Variants in PODXL2 observed in about 807,000 individuals in gnomAD.
The protein encoded by PODXL2 is podocalyxin-like protein 2.
A neutral mutation model predicts 53.4 loss-of-function variants in PODXL2; 17 were observed. That is an observed-to-expected ratio of 0.32 (90% CI 0.22 to 0.48). The LOEUF (loss-of-function observed/expected upper bound fraction) is 0.48. Among genes scored for constraint, PODXL2 ranks in the 20% least tolerant of loss-of-function variants. The pLI is 0.99. For synonymous variants in PODXL2, 311 were observed against 306.7 expected (o/e 1.01, Z -0.15); for missense variants, 673 against 760.0 (o/e 0.89, Z 1.35).
At chr3:127,639,158 T>G (rs573961101) in intron 1 of PODXL2, 87 bp from the exon 2 acceptor site, 1 of 1,358,144 alleles carries the variant, frequency 7.4e-7, no homozygotes, top group East Asian at 2.4e-5. Flanking sequence ...CCCCAGGACC[T>G]TTGTCATTTG....
intron 2 of PODXL2, among the ~76,000 whole-genome samples, chr3:127,650,104 G>A (rs1463860692): frequency 6.6e-6 from 1 of 152,098 alleles, no homozygotes; most frequent in East Asian, 1.9e-4. Flanking sequence ...TAACCTAAAG[G>A]GACATTTAAA....
chr3:127,629,327 G>T lies in PODXL2; in HGVS notation c.70+38G>T. On this transcript the variant is annotated intron_variant, in intron 1 of 7. Transcript: ENST00000342480. This position sits in a 1 kb window ranked among gnomAD's most constrained non-coding sequence, Gnocchi z 6.4. ...CGGGCCCGAGCGCGGGAGGGCGGGC[G>T]GCGGCGTGGGCGCGGTGCTGGACAG... 9.9e-7 allele frequency: 1 copy of T among 1,012,418 alleles called. No individual in the cohort carries two copies. 62.7% of individuals were successfully genotyped at this position (1,012,418 alleles called of 1,614,324 possible).
Position 127,661,082 on chromosome 3 carries a change from C to G in PODXL2, c.1054C>G (p.Gln352Glu). 6.2e-7 allele frequency: 1 copy of G among 1,614,212 alleles called. No homozygotes were observed. The highest frequency in any genetic ancestry group is 8.5e-7 in the Non-Finnish European group (1 of 1,180,028). Residue 352 changes from glutamine to glutamate, a missense_variant, in exon 3 of 8, where the codon CAA becomes GAA. By Grantham distance (29) the Gln-to-Glu change is conservative (BLOSUM62 2). Around this residue, in one of 3 missense-constraint regions of PODXL2, gnomAD observed 588 missense variants for 668.3 expected, o/e 0.88. Coordinates refer to ENST00000342480, the MANE Select transcript of PODXL2 (RefSeq NM_015720.4). ...ELTPSSATLG[Q>E]EDLNQQLLEG... ...GACACCTTCCTCTGCTACCTTGGGA[C>G]AAGAAGATCTCAACCAGCAGCTCCT...
At position 127,661,045 on chromosome 3, in the gene PODXL2, A is replaced by G. The variant is rs1157999613; in HGVS notation, c.1017A>G (p.Gly339=). 6.2e-7 allele frequency: 1 copy of G among 1,614,202 alleles called. No homozygotes were observed. Reference sequence around the variant, plus strand: ...CAGCCTCTTCCCCACTGGCCCCTGGAGACATGGAACTGACACCTTCCTCTG... The same window carrying G: ...CAGCCTCTTCCCCACTGGCCCCTGGGGACATGGAACTGACACCTTCCTCTG... ...RTSASSPLAP[G]DMELTPSSAT... The change falls in exon 3 of 8, where the codon GGA becomes GGG. Residue 339 remains glycine (G), a synonymous_variant. Transcript: ENST00000342480.
intron 2 of PODXL2, among the ~76,000 whole-genome samples, chr3:127,658,406 CTTTTTTTTTTTT>C (rs60979669): frequency 1.1e-5 from 1 of 87,396 alleles, no homozygotes; most frequent in East Asian, 3.9e-4. Context: ...TTTCCCATGT[CTTTTTTTTTTTT>C]TTTTTTTTTG....
At chr3:127,658,731 C>T (rs1442225157) in intron 2 of PODXL2, among the ~76,000 whole-genome samples, 1 of 152,114 alleles carries the variant, frequency 6.6e-6, no homozygotes, top group Non-Finnish European at 1.5e-5. Flanking sequence ...CCTTATAATT[C>T]TAAAATCACA....
At chr3:127,671,340 TCCC>T in intron 6 of PODXL2, 91 bp from the exon 7 acceptor site, 1 of 1,129,816 alleles carries the variant, frequency 8.9e-7, no homozygotes, top group Non-Finnish European at 1.3e-6. Context: ...CTAAGCCTGC[TCCC>T]CCATCCCCAC....
chr3:127,671,030 G>A (rs963027873), intron 6 of PODXL2, among the ~76,000 whole-genome samples: 12 of 152,206 alleles, frequency 7.9e-5, no homozygotes, highest in African/African-American at 2.9e-4. Flanking sequence ...GCGGTTGTAT[G>A]GTGGAGGATG....
intron 1 of PODXL2, among the ~76,000 whole-genome samples, chr3:127,630,074 G>T (rs748673443): frequency 1.3e-5 from 2 of 152,180 alleles, no homozygotes; most frequent in African/African-American, 4.8e-5. Context: ...AGAAAGAGAC[G>T]GGCCTCCTGA....
intron 7 of PODXL2, 93 bp downstream of exon 7, chr3:127,671,706 C>A: frequency 7.9e-7 from 1 of 1,259,336 alleles, no homozygotes; most frequent in Non-Finnish European, 1.1e-6. Flanking sequence ...AGTGACTCTC[C>A]TGGGCGCACA....
intron 2 of PODXL2, among the ~76,000 whole-genome samples, chr3:127,644,034 C>T (rs906785957): frequency 2.0e-5 from 3 of 152,098 alleles, no homozygotes; most frequent in Non-Finnish European, 4.4e-5. Context: ...ATTTCATTTT[C>T]TCCATATAGA....
chr3:127,643,502 A>G (rs13073911), intron 2 of PODXL2, among the ~76,000 whole-genome samples: 47,237 of 151,434 alleles, frequency 0.31, 8,250 homozygotes, highest in Middle Eastern at 0.48. Context: ...GAGCCACCAC[A>G]CCCAGCAAAA....
At chr3:127,669,111 A>G (rs780688961) in intron 5 of PODXL2, 30 bp from the exon 6 acceptor site, 2 of 1,538,352 alleles carry the variant, frequency 1.3e-6, no homozygotes, top group Non-Finnish European at 1.8e-6. Flanking sequence ...AGCCATGGTC[A>G]CACTGATAGT....
Position 127,629,478 on chromosome 3 carries a change from G to T in PODXL2, c.70+189G>T, listed in dbSNP as rs1217263686. Among the ~76,000 whole-genome samples the T allele has an allele frequency of 6.6e-6, 1 of 150,678 alleles. No homozygotes were observed. Among genetic ancestry groups the T allele is most frequent in the Non-Finnish European group, 1.5e-5 (1 of 67,528 alleles). ...TGGGTGCGTGGGGGCCGCGGCGGGC[G>T]CCTGGCGTGCCGGGCGACCCCCGAC... On this transcript the variant is annotated intron_variant, in intron 1 of 7. Coordinates refer to ENST00000342480, the MANE Select transcript of PODXL2 (RefSeq NM_015720.4). The surrounding 1 kb of genome is among the most constrained non-coding windows in gnomAD (Gnocchi z 6.4).
At chr3:127,655,973 G>A (rs1036165291) in intron 2 of PODXL2, among the ~76,000 whole-genome samples, 2 of 152,262 alleles carry the variant, frequency 1.3e-5, no homozygotes, top group East Asian at 1.9e-4. Context: ...TGCAGTGACG[G>A]GAGGGCCTCT....
At chr3:127,635,527 A>G (rs1449823723) in intron 1 of PODXL2, among the ~76,000 whole-genome samples, 1 of 152,206 alleles carries the variant, frequency 6.6e-6, no homozygotes, top group Non-Finnish European at 1.5e-5. Flanking sequence ...TTGATTTATA[A>G]TTTGTCTTAA....
rs181859873 is a variant in PODXL2, at chr3:127,653,521, C to T, written c.350-6857C>T. Among the ~76,000 whole-genome samples, 36 of 152,220 alleles carry T rather than the reference C, an allele frequency of 2.4e-4. No homozygotes were observed. The East Asian group carries it at 6.9e-3, about 29-fold the overall frequency. The stretch of plus-strand genomic sequence containing the variant: ...ATTAGCTGGGCGTGGTGGCGTGTGC[C>T]TATAGTCCCAGCTACTCAGGAGGCT... On this transcript the variant is annotated intron_variant, in intron 2 of 7. Transcript: ENST00000342480.
chr3:127,652,440 G>T (rs960585116), intron 2 of PODXL2, among the ~76,000 whole-genome samples: 1 of 152,162 alleles, frequency 6.6e-6, no homozygotes, highest in Non-Finnish European at 1.5e-5. Flanking sequence ...ATCAATCCAG[G>T]AGGTCCTCCA....
At chr3:127,637,597 C>A (rs1041544084) in intron 1 of PODXL2, among the ~76,000 whole-genome samples, 11 of 152,154 alleles carry the variant, frequency 7.2e-5, no homozygotes, top group African/African-American at 2.7e-4. Flanking sequence ...TGAAGTCACT[C>A]AGCCAGAGAA....
Sources: allele counts gnomAD v4.1 joint callset (sites outside exome capture counted in the v4.1 genomes callset), GRCh38; gene constraint gnomAD v4.1.1; regional missense constraint gnomAD v4.1.1; non-coding constraint Gnocchi (gnomAD v3.1); transcripts MANE v1.5; gene names NCBI Gene and HGNC (gene_info 2026-07-23, HGNC 2026-07-21).